Variants in TRAPPC9 observed in about 807,000 individuals in gnomAD.
The protein encoded by TRAPPC9 is IKK2 binding protein.
A neutral mutation model predicts 124.0 loss-of-function variants in TRAPPC9; 83 were observed. That is an observed-to-expected ratio of 0.67 (90% confidence interval 0.56 to 0.80). The LOEUF (loss-of-function observed/expected upper bound fraction) is 0.80, where lower values mean the gene tolerates loss of function less well. Ranked by LOEUF, TRAPPC9 falls within the 30% of genes least tolerant of loss-of-function variation. The pLI, the probability that TRAPPC9 is intolerant of heterozygous loss-of-function variation, is 0.00. For synonymous variants in TRAPPC9, 638 were observed against 617.5 expected, an observed-to-expected ratio of 1.03 and a Z score of -0.49; for missense variants, 1,302 against 1,508.3, an observed-to-expected ratio of 0.86 and a Z score of 2.27.
At chr8:140,390,906 G>C (rs1027611930) in intron 7 of TRAPPC9, among the ~76,000 whole-genome samples, 2 of 152,176 alleles carry the variant, frequency 1.3e-5, no homozygotes, top group African/African-American at 2.4e-5. Flanking sequence ...TGGCTGGACT[G>C]AACTGTTTCA....
chr8:139,986,243 AAAAAAACAAAAAACC>A (rs1837233958), intron 19 of TRAPPC9, among the ~76,000 whole-genome samples: 1 of 152,156 alleles, frequency 6.6e-6, no homozygotes, highest in Non-Finnish European at 1.5e-5. Context: ...ATTCTGTATC[AAAAAAACAAAAAACC>A]AAAAAACAAA....
At chr8:139,763,132 A>G (rs1820352704) in intron 21 of TRAPPC9, among the ~76,000 whole-genome samples, 1 of 152,252 alleles carries the variant, frequency 6.6e-6, no homozygotes, top group Admixed American at 6.5e-5. Flanking sequence ...TGCTAGATAC[A>G]GCAATAGGCA....
At chr8:140,153,708 G>C (rs963207879) in intron 17 of TRAPPC9, among the ~76,000 whole-genome samples, 1 of 152,134 alleles carries the variant, frequency 6.6e-6, no homozygotes, top group South Asian at 2.1e-4. Flanking sequence ...GACCAGCACA[G>C]TGATTTTTCT....
At chr8:139,850,963 C>A (rs1827404990) in intron 21 of TRAPPC9, among the ~76,000 whole-genome samples, 1 of 152,114 alleles carries the variant, frequency 6.6e-6, no homozygotes, top group Non-Finnish European at 1.5e-5. Flanking sequence ...TAAAAGAGAT[C>A]ATCGTGTAAA....
At chr8:139,970,255 G>A (rs1002815046) in intron 19 of TRAPPC9, among the ~76,000 whole-genome samples, 12 of 152,340 alleles carry the variant, frequency 7.9e-5, no homozygotes, top group Admixed American at 3.9e-4. Flanking sequence ...GCTGGCGCCC[G>A]CAGCATCTCT....
chr8:139,977,409 C>CAGG (rs1836550120), intron 19 of TRAPPC9, among the ~76,000 whole-genome samples: 1 of 151,964 alleles, frequency 6.6e-6, no homozygotes, highest in East Asian at 2.0e-4. Context: ...ATCACGAGGT[C>CAGG]AGATCGAGAC....
At chr8:140,381,196 C>T (rs1290207966) in intron 7 of TRAPPC9, among the ~76,000 whole-genome samples, 2 of 106,628 alleles carry the variant, frequency 1.9e-5, no homozygotes, top group Non-Finnish European at 3.6e-5. Flanking sequence ...CAGAGCCAAA[C>T]TCCATCTCAA....
chr8:140,184,768 C>A (rs1002258171), intron 17 of TRAPPC9, among the ~76,000 whole-genome samples: 1 of 152,054 alleles, frequency 6.6e-6, no homozygotes, highest in Non-Finnish European at 1.5e-5. Context: ...AACACATATA[C>A]AGAAAATCAC....
intron 21 of TRAPPC9, among the ~76,000 whole-genome samples, chr8:139,830,563 A>C (rs1170503299): frequency 2.0e-5 from 3 of 151,378 alleles, no homozygotes; most frequent in African/African-American, 7.3e-5. Context: ...AGCACATGCA[A>C]ATACACATGC....
chr8:140,170,871 A>C (rs543868579), intron 17 of TRAPPC9, among the ~76,000 whole-genome samples: 30 of 152,238 alleles, frequency 2.0e-4, no homozygotes, highest in African/African-American at 6.0e-4. Flanking sequence ...AGGCCTAGCC[A>C]GCCCCAGCCT....
At chr8:140,155,142 G>A (rs999177915) in intron 17 of TRAPPC9, among the ~76,000 whole-genome samples, 5 of 152,170 alleles carry the variant, frequency 3.3e-5, no homozygotes, top group Admixed American at 6.5e-5. Context: ...AAGTTAAAAC[G>A]ACAAAAGGTT....
In TRAPPC9 at chr8:140,272,498, C is replaced by T. The variant is rs552068935; in HGVS notation, c.2278+3160G>A. 3.3e-5 allele frequency among the ~76,000 whole-genome samples: 5 copies of T among 149,680 alleles called. No homozygotes were observed. In the East Asian group the frequency reaches 5.8e-4, roughly 17 times the overall value. ...GATGGTGGTGGTGGCAGCGGTGATG[C>T]CGGTGGTTGTGGTGGCAGTAGTGGC... On this transcript the variant is annotated intron_variant, in intron 15 of 22. Coordinates refer to ENST00000438773, the MANE Select transcript of TRAPPC9 (RefSeq NM_001160372.4).
In TRAPPC9 at chr8:139,987,353, T is replaced by A. The variant is rs142615670; in HGVS notation, c.2810+1373A>T. On this transcript the variant is annotated intron_variant, in intron 19 of 22. Coordinates refer to ENST00000438773, the MANE Select transcript of TRAPPC9 (RefSeq NM_001160372.4). ...TTTCCAAAGCAGCTGCACTATTTTA[T>A]ATCCCCACCCACAAGGCATGAGAGT... Among the ~76,000 whole-genome samples, 489 of 152,340 alleles carry A rather than the reference T, an allele frequency of 3.2e-3. 2 individuals are homozygous for A. Among genetic ancestry groups the A allele is most frequent in the African/African-American group, 0.011 (477 of 41,582 alleles).
chr8:140,140,803 T>C (rs1481448248), intron 17 of TRAPPC9, among the ~76,000 whole-genome samples: 1 of 152,186 alleles, frequency 6.6e-6, no homozygotes, highest in African/African-American at 2.4e-5. Context: ...CGCCATGTTA[T>C]CTTTCCAGGC....
rs530170004 is a variant in TRAPPC9, at chr8:139,985,767, C to T, written c.2810+2959G>A. Among the ~76,000 whole-genome samples the T allele has an allele frequency of 2.5e-3, 376 of 152,224 alleles. 1 individual carries two copies. The highest frequency in any genetic ancestry group is 8.6e-3 in the African/African-American group (358 of 41,534). ...ACAATAATCACATTAAATATGAATA[C>T]CCTGGAAGCCACCTCACAGTGAGTG... On this transcript the variant is annotated intron_variant, in intron 19 of 22. Transcript: ENST00000438773.
chr8:140,285,428 G>A (rs2131724971), intron 13 of TRAPPC9, among the ~76,000 whole-genome samples: 1 of 152,254 alleles, frequency 6.6e-6, no homozygotes, highest in African/African-American at 2.4e-5. Context: ...CATCTCAACA[G>A]GGATCCTGGA....
intron 19 of TRAPPC9, among the ~76,000 whole-genome samples, chr8:139,979,941 C>T (rs1052654289): frequency 6.6e-6 from 1 of 152,028 alleles, no homozygotes; most frequent in Non-Finnish European, 1.5e-5. Flanking sequence ...CCCGCTCTGC[C>T]CATGGGTGCT....
At chr8:140,424,138 G>A (rs1254393079) in intron 5 of TRAPPC9, among the ~76,000 whole-genome samples, 2 of 139,078 alleles carry the variant, frequency 1.4e-5, no homozygotes, top group East Asian at 2.1e-4. Flanking sequence ...AAACTAGTTT[G>A]TTTGTTTGTT....
At chr8:140,297,827 C>A (rs772260144) in intron 11 of TRAPPC9, among the ~76,000 whole-genome samples, 1 of 152,226 alleles carries the variant, frequency 6.6e-6, no homozygotes, top group Non-Finnish European at 1.5e-5. Flanking sequence ...CAACTTCTCA[C>A]GTTTGTGTCT....
Sources: gnomAD v4.1 joint callset for allele counts (sites outside exome capture counted in the v4.1 genomes callset) on GRCh38, gnomAD v4.1.1 for gene constraint, MANE v1.5 for transcripts, NCBI Gene and HGNC (gene_info 2026-07-23, HGNC 2026-07-21) for gene names.